ATXN2: variants seen among roughly 807,000 people sequenced by gnomAD.
The protein encoded by ATXN2 is ataxin 2, also known as ataxin-2.
A neutral mutation model predicts 138.6 loss-of-function variants in ATXN2; 37 were observed. The ratio of observed to expected loss-of-function variants is 0.27; its 90% CI spans 0.21 to 0.35. The LOEUF is 0.35. ATXN2 is among the 10% of genes least tolerant of loss of function. ATXN2 has a pLI of 1.00. For missense variants in ATXN2, 1,216 were observed against 1,480.3 expected (o/e 0.82, Z 2.93); for synonymous variants, 549 against 543.7 (o/e 1.01, Z -0.13).
At chr12:111,475,175 C>G (rs1876708024) in intron 18 of ATXN2, among the ~76,000 whole-genome samples, 1 of 151,620 alleles carries the variant, frequency 6.6e-6, no homozygotes, top group Admixed American at 6.6e-5. Flanking sequence ...GATCGCATCA[C>G]TGCACTCCAG....
intron 5 of ATXN2, among the ~76,000 whole-genome samples, chr12:111,525,707 T>G (rs1045670414): frequency 6.7e-6 from 1 of 150,142 alleles, no homozygotes; most frequent in South Asian, 2.1e-4. Flanking sequence ...TTTTTTGAGA[T>G]AGAGTCTCGT....
intron 20 of ATXN2, among the ~76,000 whole-genome samples, chr12:111,466,179 A>T (rs968324448): frequency 2.5e-4 from 36 of 144,806 alleles, no homozygotes; most frequent in South Asian, 2.2e-4. Flanking sequence ...AATTAAAAAA[A>T]AAATAAAAAA....
At chr12:111,520,803 A>C in intron 7 of ATXN2, 79 bp downstream of exon 7, 1 of 769,322 alleles carries the variant, frequency 1.3e-6, no homozygotes, top group Non-Finnish European at 2.0e-6. Flanking sequence ...AAAACTAACA[A>C]ACATTTATTC....
At chr12:111,536,016 A>G (rs1485159339) in intron 5 of ATXN2, among the ~76,000 whole-genome samples, 2 of 151,714 alleles carry the variant, frequency 1.3e-5, no homozygotes, top group Non-Finnish European at 2.9e-5. Flanking sequence ...AAAAAAAAAA[A>G]CATTGGGAAA....
chr12:111,511,975 T>G (rs940493078), intron 11 of ATXN2: 1 of 152,190 alleles, frequency 6.6e-6, no homozygotes, highest in African/African-American at 2.4e-5. Context: ...CTTGTTTCTT[T>G]TTTCTTTTTT....
At position 111,599,298 on chromosome 12, in the gene ATXN2, C is replaced by A. The variant is rs1380791606; in HGVS notation, c.-264G>T. 3.3e-6 allele frequency: 3 copies of A among 896,034 alleles called. No individual in the cohort carries two copies. The highest frequency in any genetic ancestry group is 5.4e-5 in the South Asian group (1 of 18,670). 55.5% of individuals were successfully genotyped at this position (896,034 alleles called of 1,614,324 possible). A position where few individuals can be genotyped will look rare whatever the true frequency, so the allele number is the denominator to read the frequency against. ...CCGTTGCTACCAAAACAGTCTGAGG[C>A]GGAGGGAGGCGAGCTCTGCCGGGAG... is the stretch of plus-strand genomic sequence containing the variant. On this transcript the variant is annotated 5_prime_UTR_variant, in exon 1 of 25. Coordinates refer to ENST00000673436, the MANE Select transcript of ATXN2 (RefSeq NM_001372574.1).
At chr12:111,520,777 G>A (rs1592857293) in intron 7 of ATXN2, 105 bp downstream of exon 7, 1 of 626,088 alleles carries the variant, frequency 1.6e-6, no homozygotes, top group East Asian at 3.3e-5. Context: ...ATTATTTCAT[G>A]TAATTGTTTA....
chr12:111,563,379 G>C (rs898030789), intron 1 of ATXN2, among the ~76,000 whole-genome samples: 1 of 151,944 alleles, frequency 6.6e-6, no homozygotes, highest in African/African-American at 2.4e-5. Flanking sequence ...TTGATTTGTT[G>C]ATTGTTTTAA....
At chr12:111,576,735 G>A (rs1013160352) in intron 1 of ATXN2, among the ~76,000 whole-genome samples, 2 of 151,552 alleles carry the variant, frequency 1.3e-5, no homozygotes, top group African/African-American at 4.8e-5. Flanking sequence ...CGAGGCGGGC[G>A]GATCACAAAG....
In ATXN2 at chr12:111,504,689, T is replaced by C. The variant is rs11065933; in HGVS notation, c.1935+4860A>G. Among the ~76,000 whole-genome samples, 2,711 of 152,232 alleles carry C rather than the reference T, an allele frequency of 0.018. 491 individuals carry two copies. In the East Asian group the frequency reaches 0.43, roughly 24 times the overall value. On this transcript the variant is annotated intron_variant, in intron 14 of 24. Coordinates refer to ENST00000673436, the MANE Select transcript of ATXN2 (RefSeq NM_001372574.1). ...CACAGTAAAAATGGTTATAAGTGTA[T>C]GGTTATGTGTCAATTAGAAATAAAA... is the stretch of plus-strand genomic sequence containing the variant.
Position 111,598,876 on chromosome 12 carries a change from C to A in ATXN2, c.159G>T (p.Ser53=). The A allele has an allele frequency of 6.7e-7, 1 of 1,494,738 alleles. No individual in the cohort carries two copies. The highest frequency in any genetic ancestry group is 8.9e-7 in the Non-Finnish European group (1 of 1,128,608). The allele number at this position is 1,494,738 out of a possible 1,614,324, so 92.6% of individuals were successfully genotyped here. ...GLLASPAAAP[S]PSSSSVSSSS... ...ACGAGGAGACCGAGGACGAGGACGG[C>A]GAAGGCGCGGCGGCGGGCGACGCTA... Residue 53 remains serine (S), a synonymous_variant, in exon 1 of 25, where the codon TCG becomes TCT. Coordinates refer to ENST00000673436, the MANE Select transcript of ATXN2 (RefSeq NM_001372574.1). This position sits in a 1 kb window ranked among gnomAD's most constrained non-coding sequence, Gnocchi z 4.5.
intron 5 of ATXN2, among the ~76,000 whole-genome samples, chr12:111,532,357 G>C (rs1222351481): frequency 6.7e-6 from 1 of 149,244 alleles, no homozygotes; most frequent in African/African-American, 2.5e-5. Context: ...GTGTGCGCCT[G>C]TAATCCCAGC....
chr12:111,569,446 A>C, intron 1 of ATXN2, among the ~76,000 whole-genome samples: 1 of 152,194 alleles, frequency 6.6e-6, no homozygotes, highest in East Asian at 1.9e-4. Flanking sequence ...GAGAAAAAAA[A>C]GGCCAGTCGC....
chr12:111,585,914 G>T (rs894876610), intron 1 of ATXN2, among the ~76,000 whole-genome samples: 1 of 138,832 alleles, frequency 7.2e-6, no homozygotes, highest in Non-Finnish European at 1.6e-5. Flanking sequence ...TCTTTGCTTT[G>T]TTTTTTTGAG....
intron 1 of ATXN2, among the ~76,000 whole-genome samples, chr12:111,570,610 G>A (rs1262294995): frequency 1.3e-5 from 2 of 152,080 alleles, no homozygotes. Flanking sequence ...CTTCCCGCCT[G>A]GAACTTCCTC....
At chr12:111,538,839 T>C (rs1474181181) in intron 5 of ATXN2, among the ~76,000 whole-genome samples, 2 of 150,314 alleles carry the variant, frequency 1.3e-5, no homozygotes, top group Middle Eastern at 3.2e-3. Context: ...TGAAGATCAA[T>C]AGCCCATGCT....
At chr12:111,541,346 CTTTT>C (rs62932861) in intron 5 of ATXN2, among the ~76,000 whole-genome samples, 4 of 67,446 alleles carry the variant, frequency 5.9e-5, no homozygotes, top group Admixed American at 1.8e-4. Flanking sequence ...AGTTATAATT[CTTTT>C]TTTTTTTTTT....
At chr12:111,547,166 C>T (rs1325328157) in intron 5 of ATXN2, among the ~76,000 whole-genome samples, 2 of 152,208 alleles carry the variant, frequency 1.3e-5, no homozygotes, top group Admixed American at 6.5e-5. Flanking sequence ...TGGTGGCTCA[C>T]GCCTGTAATC....
Position 111,516,387 on chromosome 12 carries a change from G to T in ATXN2, c.1166-24C>A. The T allele has an allele frequency of 6.6e-7, 1 of 1,523,228 alleles. No individual in the cohort carries two copies. The highest frequency in any genetic ancestry group is 2.2e-5 in the Admixed American group (1 of 45,404). The allele number at this position is 1,523,228 out of a possible 1,614,324, so 94.4% of individuals were successfully genotyped here. A position where few individuals can be genotyped will look rare whatever the true frequency, so the allele number is the denominator to read the frequency against. Reference sequence around the variant, plus strand: ...ACCTGACAGAACAAATGATATGAAGGAAAGTATAAAAACTAAAGAAAAAAA... The same window carrying T: ...ACCTGACAGAACAAATGATATGAAGTAAAGTATAAAAACTAAAGAAAAAAA... On this transcript the variant is annotated intron_variant, in intron 9 of 24. Coordinates refer to ENST00000673436, the MANE Select transcript of ATXN2 (RefSeq NM_001372574.1). This position sits in a 1 kb window ranked among gnomAD's most constrained non-coding sequence, Gnocchi z 5.0.
Sources: allele counts gnomAD v4.1 joint callset (sites outside exome capture counted in the v4.1 genomes callset), GRCh38; gene constraint gnomAD v4.1.1; non-coding constraint Gnocchi (gnomAD v3.1); transcripts MANE v1.5; gene names NCBI Gene and HGNC (gene_info 2026-07-23, HGNC 2026-07-21).